NCOA3: variants seen among roughly 807,000 people sequenced by gnomAD.
The protein encoded by NCOA3 is CBP-interacting protein.
A neutral mutation model predicts 158.8 loss-of-function variants in NCOA3; 51 were observed. That is an observed-to-expected ratio of 0.32 (90% CI 0.26 to 0.41). The LOEUF (loss-of-function observed/expected upper bound fraction) is 0.41, where lower values mean the gene tolerates loss of function less well. NCOA3 is among the 10% of genes least tolerant of loss of function. The pLI is 1.00. For synonymous variants in NCOA3, 537 were observed against 592.4 expected (o/e 0.91, Z 1.36); for missense variants, 1,510 against 1,746.6 (o/e 0.86, Z 2.41).
chr20:47,551,988 A>C (rs2084933711), intron 1 of NCOA3, among the ~76,000 whole-genome samples: 1 of 152,192 alleles, frequency 6.6e-6, no homozygotes, highest in Non-Finnish European at 1.5e-5. Context: ...TTAAATCCTA[A>C]TGTACCAGGT....
At position 47,566,869 on chromosome 20, in the gene NCOA3, G is replaced by A. The variant is rs117360897; in HGVS notation, c.-98-16314G>A. Among the ~76,000 whole-genome samples, 438 of 152,042 alleles carry A rather than the reference G, an allele frequency of 2.9e-3. 10 individuals carry two copies. In the East Asian group the frequency reaches 0.056, roughly 19 times the overall value. On this transcript the variant is annotated intron_variant, in intron 1 of 22. Transcript: ENST00000371998. ...TAGAGTGGCGTGTACCTGTAGTCCTGAGTACTTGGGAGACTGAGGCAGGAA... is the reference window on the plus strand; with the variant it reads ...TAGAGTGGCGTGTACCTGTAGTCCTAAGTACTTGGGAGACTGAGGCAGGAA...
chr20:47,603,525 C>T (rs947141191), intron 2 of NCOA3, among the ~76,000 whole-genome samples: 1 of 152,240 alleles, frequency 6.6e-6, no homozygotes, highest in Non-Finnish European at 1.5e-5. Flanking sequence ...AAGTGTTAAA[C>T]AGCTCAGGGC....
chr20:47,631,505 C>T (rs1371713330), intron 8 of NCOA3: 2 of 152,128 alleles, frequency 1.3e-5, no homozygotes, highest in African/African-American at 4.8e-5. Context: ...GTCATGAAAC[C>T]TTCTTTAATT....
intron 4 of NCOA3, among the ~76,000 whole-genome samples, chr20:47,624,979 G>A (rs564961617): frequency 5.0e-4 from 76 of 152,104 alleles, no homozygotes; most frequent in African/African-American, 1.5e-3. Flanking sequence ...TGCCATGTTG[G>A]CCAGGCTGGT....
intron 2 of NCOA3, among the ~76,000 whole-genome samples, chr20:47,612,962 C>A (rs1284862129): frequency 6.6e-6 from 1 of 152,156 alleles, no homozygotes; most frequent in Non-Finnish European, 1.5e-5. Context: ...ATGCCCAGTT[C>A]TAGCACTCTA....
At chr20:47,637,423 T>G (rs1037739506) in intron 12 of NCOA3, among the ~76,000 whole-genome samples, 1 of 152,230 alleles carries the variant, frequency 6.6e-6, no homozygotes, top group East Asian at 1.9e-4. Context: ...TGTGTAAATT[T>G]AAAAAATGCC....
intron 3 of NCOA3, chr20:47,623,127 G>A (rs1172564369): frequency 6.6e-6 from 1 of 152,130 alleles, no homozygotes; most frequent in Non-Finnish European, 1.5e-5. Flanking sequence ...TTAAAAATTA[G>A]AAACAAAATA....
chr20:47,644,337 C>T (rs2086656015), intron 17 of NCOA3, among the ~76,000 whole-genome samples: 1 of 152,066 alleles, frequency 6.6e-6, no homozygotes, highest in Non-Finnish European at 1.5e-5. Flanking sequence ...GACGGGGTTT[C>T]ACCGTGTTAG....
In NCOA3 at chr20:47,526,587, C is replaced by T. The variant is rs7351916; in HGVS notation, c.-99+24568C>T. Among the ~76,000 whole-genome samples the T allele has an allele frequency of 7.9e-5, 12 of 152,368 alleles. No individual in the cohort carries two copies. The South Asian group carries it at 1.0e-3, about 13-fold the overall frequency. On this transcript the variant is annotated intron_variant, in intron 1 of 22. Transcript: ENST00000371998. Reference sequence around the variant, plus strand: ...TAGCCCGGCCAACACAGCGAAACCCCGTCTCCACCAAAAAAATACGAAAAC... The same window carrying T: ...TAGCCCGGCCAACACAGCGAAACCCTGTCTCCACCAAAAAAATACGAAAAC...
At position 47,559,204 on chromosome 20, in the gene NCOA3, G is replaced by A. The variant is rs143901459; in HGVS notation, c.-98-23979G>A. Among the ~76,000 whole-genome samples the A allele has an allele frequency of 5.5e-4, 84 of 152,218 alleles. No individual in the cohort carries two copies. In the East Asian group the frequency reaches 0.016, roughly 28 times the overall value. ...CATTGTTGAACTTATAGGCTTCTGG[G>A]TGGTCAGGGCATTGTCCAATAGTAA... On this transcript the variant is annotated intron_variant, in intron 1 of 22. Coordinates refer to ENST00000371998, the MANE Select transcript of NCOA3 (RefSeq NM_181659.3).
intron 8 of NCOA3, 30 bp downstream of exon 8, chr20:47,628,053 C>T (rs2273023): frequency 6.7e-7 from 1 of 1,490,278 alleles, no homozygotes; most frequent in Non-Finnish European, 9.4e-7. Context: ...CTCTCTCTCT[C>T]TCTGTGTATA....
chr20:47,517,753 T>G lies in NCOA3; in HGVS notation c.-99+15734T>G, dbSNP rs544997094. 2.8e-3 allele frequency among the ~76,000 whole-genome samples: 428 copies of G among 152,202 alleles called. 2 individuals are homozygous for G. Among genetic ancestry groups the G allele is most frequent in the Non-Finnish European group, 5.0e-3 (341 of 68,002 alleles). On this transcript the variant is annotated intron_variant, in intron 1 of 22. Transcript: ENST00000371998. ...GGCGTGAGCCACCACGCCTGGCCAATTACATTTATTTTTCAACTAGATTAT... is the reference window on the plus strand; with the variant it reads ...GGCGTGAGCCACCACGCCTGGCCAAGTACATTTATTTTTCAACTAGATTAT...
At chr20:47,519,955 G>A (rs2084299216) in intron 1 of NCOA3, among the ~76,000 whole-genome samples, 1 of 150,652 alleles carries the variant, frequency 6.6e-6, no homozygotes, top group Admixed American at 6.7e-5. Context: ...GTAGAACCGG[G>A]GTTTCACCAT....
At chr20:47,644,985 C>T (rs752217929) in intron 17 of NCOA3, among the ~76,000 whole-genome samples, 1 of 152,004 alleles carries the variant, frequency 6.6e-6, no homozygotes, top group African/African-American at 2.4e-5. Context: ...TGTGAGCCAC[C>T]GCGCCTGGCC....
chr20:47,543,970 T>A (rs1010191918), intron 1 of NCOA3, among the ~76,000 whole-genome samples: 1 of 151,734 alleles, frequency 6.6e-6, no homozygotes, highest in East Asian at 1.9e-4. Context: ...TCTCAAAGTT[T>A]AAAAAAAAAC....
intron 1 of NCOA3, among the ~76,000 whole-genome samples, chr20:47,512,569 TAA>T (rs762228515): frequency 1.5e-4 from 13 of 84,750 alleles, no homozygotes; most frequent in Admixed American, 2.6e-4. Flanking sequence ...TCTGTCTCAC[TAA>T]AAAAAAAAAA....
At chr20:47,583,524 A>G (rs928455949) in intron 2 of NCOA3, among the ~76,000 whole-genome samples, 3 of 152,076 alleles carry the variant, frequency 2.0e-5, no homozygotes, top group Middle Eastern at 3.2e-3. Context: ...CTCCCCCCAA[A>G]CTTAACTACT....
intron 1 of NCOA3, among the ~76,000 whole-genome samples, chr20:47,527,211 C>A (rs971074145): frequency 6.6e-6 from 1 of 151,892 alleles, no homozygotes; most frequent in Non-Finnish European, 1.5e-5. Context: ...GCGAGTACTT[C>A]TAGTACATTG....
In NCOA3 at chr20:47,656,399, T is replaced by C. The variant is rs1320009112; in HGVS notation, c.*2982T>C. 2.0e-5 allele frequency: 3 copies of C among 152,132 alleles called. No homozygotes were observed. Among genetic ancestry groups the C allele is most frequent in the African/African-American group, 7.2e-5 (3 of 41,440 alleles). 9.4% of individuals were successfully genotyped at this position (152,132 alleles called of 1,614,324 possible). On this transcript the variant is annotated 3_prime_UTR_variant, in exon 23 of 23. Transcript: ENST00000371998. ...AGGGGTAGGGTATTACAGAAGATAA[T>C]TGGCTTGATGTCCTAGAAGTTCTTT...
Sources: allele counts gnomAD v4.1 joint callset (sites outside exome capture counted in the v4.1 genomes callset), GRCh38; gene constraint gnomAD v4.1.1; transcripts MANE v1.5; gene names NCBI Gene and HGNC (gene_info 2026-07-23, HGNC 2026-07-21).